Variants in CFAP299 observed in about 807,000 individuals in gnomAD.
CFAP299 encodes cilia- and flagella-associated protein 299.
Under a neutral mutation model 27.0 loss-of-function variants are expected in CFAP299, and 21 were observed. The ratio of observed to expected loss-of-function variants is 0.78; its 90% CI spans 0.55 to 1.12. The LOEUF is 1.12. Among genes scored for constraint, CFAP299 ranks in the 50% most tolerant of loss-of-function variants. CFAP299 has a pLI of 0.00. For synonymous variants in CFAP299, 104 were observed against 98.1 expected (o/e 1.06, Z -0.36); for missense variants, 310 against 276.6 (o/e 1.12, Z -0.86).
At chr4:80,525,356 A>G (rs1056167277) in intron 2 of CFAP299, among the ~76,000 whole-genome samples, 90 of 152,170 alleles carry the variant, frequency 5.9e-4, no homozygotes, top group African/African-American at 2.0e-3. Flanking sequence ...ATCTTATCAT[A>G]TTTATCCATA....
At chr4:80,489,603 G>C (rs550137645) in intron 2 of CFAP299, among the ~76,000 whole-genome samples, 17 of 152,252 alleles carry the variant, frequency 1.1e-4, no homozygotes, top group African/African-American at 4.1e-4. Context: ...CTTTAATTCA[G>C]ACAGCTGACC....
At chr4:80,398,232 G>T (rs1335577076) in intron 2 of CFAP299, among the ~76,000 whole-genome samples, 1 of 152,168 alleles carries the variant, frequency 6.6e-6, no homozygotes, top group Non-Finnish European at 1.5e-5. Flanking sequence ...TGGATAGGAA[G>T]AATCAATATC....
At chr4:80,936,953 CT>C (rs1736919028) in intron 4 of CFAP299, among the ~76,000 whole-genome samples, 1 of 151,974 alleles carries the variant, frequency 6.6e-6, no homozygotes. Flanking sequence ...TGTCCTTTAT[CT>C]GTTAGGTCCC....
chr4:80,651,386 G>C (rs1289114248), intron 3 of CFAP299, among the ~76,000 whole-genome samples: 1 of 118,702 alleles, frequency 8.4e-6, no homozygotes, highest in Non-Finnish European at 1.6e-5. Flanking sequence ...TTTTTGTTGA[G>C]ACAGAGTCTC....
chr4:80,610,055 G>C (rs1404249717), intron 3 of CFAP299, among the ~76,000 whole-genome samples: 2 of 152,044 alleles, frequency 1.3e-5, no homozygotes, highest in Non-Finnish European at 2.9e-5. Context: ...AGTGTCTATA[G>C]ATTTGCAGAG....
intron 3 of CFAP299, among the ~76,000 whole-genome samples, chr4:80,806,021 C>T (rs1056145112): frequency 7.2e-5 from 11 of 152,108 alleles, no homozygotes; most frequent in African/African-American, 2.7e-4. Flanking sequence ...AATGACTTAG[C>T]TATAAGAAAG....
At chr4:80,509,885 G>T (rs1230132942) in intron 2 of CFAP299, among the ~76,000 whole-genome samples, 2 of 149,258 alleles carry the variant, frequency 1.3e-5, no homozygotes, top group Non-Finnish European at 1.5e-5. Flanking sequence ...CTGGCAGGTT[G>T]CATATTGCAG....
intron 3 of CFAP299, among the ~76,000 whole-genome samples, chr4:80,724,939 T>C (rs1723067449): frequency 7.0e-6 from 1 of 142,980 alleles, no homozygotes; most frequent in South Asian, 2.4e-4. Context: ...TCTTTCTCCT[T>C]CCTTCCTTCC....
chr4:80,632,829 C>A (rs1739281174), intron 3 of CFAP299, among the ~76,000 whole-genome samples: 1 of 151,400 alleles, frequency 6.6e-6, no homozygotes, highest in Non-Finnish European at 1.5e-5. Flanking sequence ...AATTTTTTAA[C>A]CCATTTATCT....
intron 2 of CFAP299, among the ~76,000 whole-genome samples, chr4:80,422,909 G>A (rs1578425596): frequency 6.6e-6 from 1 of 152,258 alleles, no homozygotes; most frequent in East Asian, 1.9e-4. Context: ...AACCTAGATG[G>A]CATGGAGTAC....
At chr4:80,833,145 G>A (rs542703673) in intron 3 of CFAP299, among the ~76,000 whole-genome samples, 41 of 152,176 alleles carry the variant, frequency 2.7e-4, no homozygotes, top group African/African-American at 9.2e-4. Context: ...TTTGCAGTAT[G>A]TGCTGAACAT....
chr4:80,955,248 G>A (rs983400978), intron 5 of CFAP299, among the ~76,000 whole-genome samples: 1 of 152,142 alleles, frequency 6.6e-6, no homozygotes, highest in African/African-American at 2.4e-5. Context: ...GCTCTTAAGA[G>A]GAGCAATGCT....
intron 2 of CFAP299, among the ~76,000 whole-genome samples, chr4:80,564,913 C>T (rs1735206937): frequency 6.6e-6 from 1 of 151,740 alleles, no homozygotes; most frequent in Admixed American, 6.6e-5. Context: ...CTACAATAAC[C>T]ACATATAAAA....
At chr4:80,524,822 G>C (rs1421260313) in intron 2 of CFAP299, among the ~76,000 whole-genome samples, 1 of 152,126 alleles carries the variant, frequency 6.6e-6, no homozygotes, top group African/African-American at 2.4e-5. Flanking sequence ...CATGGTTTCT[G>C]TTGTCAGGAT....
chr4:80,519,728 C>T (rs1327394264), intron 2 of CFAP299, among the ~76,000 whole-genome samples: 2 of 152,162 alleles, frequency 1.3e-5, no homozygotes, highest in Admixed American at 6.5e-5. Flanking sequence ...GTGAGCCAGG[C>T]TTAAGAGGCA....
At chr4:80,516,725 A>G (rs1732608996) in intron 2 of CFAP299, among the ~76,000 whole-genome samples, 1 of 152,164 alleles carries the variant, frequency 6.6e-6, no homozygotes, top group Non-Finnish European at 1.5e-5. Flanking sequence ...CATCCAAACC[A>G]TGTCATAGGG....
chr4:80,834,888 C>G (rs754536817), intron 3 of CFAP299, among the ~76,000 whole-genome samples: 4 of 152,128 alleles, frequency 2.6e-5, no homozygotes, highest in Non-Finnish European at 5.9e-5. Flanking sequence ...CTCCAAATAT[C>G]TCTGTTGTTC....
chr4:80,868,984 G>A (rs1005670682), intron 3 of CFAP299, among the ~76,000 whole-genome samples: 1 of 151,064 alleles, frequency 6.6e-6, no homozygotes, highest in Admixed American at 6.6e-5. Flanking sequence ...GAGCAAGCTT[G>A]ATGGTGAAAA....
At chr4:80,818,204 A>G (rs534709046) in intron 3 of CFAP299, among the ~76,000 whole-genome samples, 1 of 152,308 alleles carries the variant, frequency 6.6e-6, no homozygotes, top group Admixed American at 6.5e-5. Context: ...ATGACTGCAT[A>G]GTATTCCGTG....
Sources: gnomAD v4.1 joint callset for allele counts (sites outside exome capture counted in the v4.1 genomes callset) on GRCh38, gnomAD v4.1.1 for gene constraint, MANE v1.5 for transcripts, NCBI Gene and HGNC (gene_info 2026-07-23, HGNC 2026-07-21) for gene names.